Variants in ADGRL3 observed in about 807,000 individuals in gnomAD.
ADGRL3 encodes the protein adhesion G protein-coupled receptor L3, also known as calcium-independent alpha-latrotoxin receptor 3.
In ADGRL3, 62 loss-of-function variants were observed where a neutral mutation model predicts 153.5. That is an observed-to-expected ratio of 0.40 (90% CI 0.33 to 0.50). The LOEUF (loss-of-function observed/expected upper bound fraction) is 0.50. ADGRL3 is among the 20% of genes least tolerant of loss of function. The pLI is 0.47. For missense variants in ADGRL3, 1,641 were observed against 1,859.4 expected (o/e 0.88, Z 2.16); for synonymous variants, 710 against 672.5 (o/e 1.06, Z -0.86).
chr4:61,663,406 C>T (rs1350441313), intron 5 of ADGRL3, among the ~76,000 whole-genome samples: 28 of 152,222 alleles, frequency 1.8e-4, no homozygotes, highest in Non-Finnish European at 8.8e-5. Flanking sequence ...GGTCCAGCCA[C>T]AGCCTCGCTG....
chr4:61,754,823 T>C (rs1328372106), intron 8 of ADGRL3, among the ~76,000 whole-genome samples: 2 of 151,888 alleles, frequency 1.3e-5, no homozygotes, highest in Non-Finnish European at 2.9e-5. Flanking sequence ...CCTGTGTCCA[T>C]GTGTTCTCAT....
At chr4:61,525,187 C>T (rs902455594) in intron 4 of ADGRL3, among the ~76,000 whole-genome samples, 7 of 151,774 alleles carry the variant, frequency 4.6e-5, no homozygotes, top group Admixed American at 2.0e-4. Flanking sequence ...TGGAGATAAA[C>T]GAGAAAGGAG....
intron 1 of ADGRL3, among the ~76,000 whole-genome samples, chr4:61,220,777 C>T (rs370133156): frequency 1.4e-4 from 21 of 152,252 alleles, no homozygotes; most frequent in African/African-American, 5.1e-4. Flanking sequence ...TTATCTCTGA[C>T]TTATTCTGAA....
chr4:61,432,811 G>T (rs913861765), intron 2 of ADGRL3, among the ~76,000 whole-genome samples: 1 of 150,772 alleles, frequency 6.6e-6, no homozygotes, highest in Non-Finnish European at 1.5e-5. Flanking sequence ...GAGCCACCAC[G>T]CCTGGCTAAT....
At chr4:61,932,872 G>T (rs1475355882) in intron 13 of ADGRL3, among the ~76,000 whole-genome samples, 1 of 151,954 alleles carries the variant, frequency 6.6e-6, no homozygotes, top group African/African-American at 2.4e-5. Context: ...GGTCTATTCA[G>T]AATTTCTATT....
At chr4:61,233,495 A>G (rs1751608169) in intron 1 of ADGRL3, among the ~76,000 whole-genome samples, 1 of 152,206 alleles carries the variant, frequency 6.6e-6, no homozygotes, top group Admixed American at 6.5e-5. Flanking sequence ...AGTGGGAGGC[A>G]TAGAAGGCAG....
At chr4:61,913,839 A>G (rs147050700) in intron 13 of ADGRL3, among the ~76,000 whole-genome samples, 1 of 152,322 alleles carries the variant, frequency 6.6e-6, no homozygotes, top group East Asian at 1.9e-4. Context: ...TAGTCAGATT[A>G]TGAAAAGCAC....
At chr4:61,870,369 A>G (rs966482907) in intron 9 of ADGRL3, among the ~76,000 whole-genome samples, 3 of 152,230 alleles carry the variant, frequency 2.0e-5, no homozygotes, top group African/African-American at 4.8e-5. Context: ...TTAAAAATAA[A>G]TAAATCTTCT....
chr4:61,768,093 T>C (rs1223414346), intron 8 of ADGRL3, among the ~76,000 whole-genome samples: 1 of 152,084 alleles, frequency 6.6e-6, no homozygotes, highest in Non-Finnish European at 1.5e-5. Flanking sequence ...GGGCTGGATT[T>C]TTATATTTGA....
At chr4:62,060,758 T>G (rs541873323) in intron 25 of ADGRL3, among the ~76,000 whole-genome samples, 1 of 150,726 alleles carries the variant, frequency 6.6e-6, no homozygotes, top group African/African-American at 2.5e-5. Context: ...GATGAACTCT[T>G]TTTTTTCTCA....
intron 9 of ADGRL3, among the ~76,000 whole-genome samples, chr4:61,879,200 T>C (rs184552735): frequency 1.4e-4 from 22 of 152,326 alleles, no homozygotes; most frequent in Admixed American, 9.1e-4. Flanking sequence ...CTGAATAACA[T>C]ATTGTGTGTC....
At chr4:61,966,886 A>G (rs1254052557) in intron 17 of ADGRL3, among the ~76,000 whole-genome samples, 1 of 152,150 alleles carries the variant, frequency 6.6e-6, no homozygotes, top group Non-Finnish European at 1.5e-5. Flanking sequence ...GGGGCCACCT[A>G]TATTTGGTCA....
intron 1 of ADGRL3, among the ~76,000 whole-genome samples, chr4:61,298,585 A>C (rs17090425): frequency 0.022 from 3,420 of 152,318 alleles, 145 homozygotes; most frequent in African/African-American, 0.079. Flanking sequence ...ATCAGTCATT[A>C]TGTCAGCAGC....
intron 1 of ADGRL3, among the ~76,000 whole-genome samples, chr4:61,257,875 G>A (rs906622804): frequency 7.9e-5 from 12 of 151,726 alleles, no homozygotes; most frequent in South Asian, 6.3e-4. Context: ...GTGCGTGTGC[G>A]CACGCGCACA....
At chr4:61,709,972 A>C (rs1458494492) in intron 6 of ADGRL3, among the ~76,000 whole-genome samples, 5 of 152,220 alleles carry the variant, frequency 3.3e-5, no homozygotes, top group African/African-American at 4.8e-5. Context: ...TTAGAAAAGT[A>C]TTCAAGGAAG....
intron 1 of ADGRL3, among the ~76,000 whole-genome samples, chr4:61,352,196 CA>C: frequency 6.6e-6 from 1 of 152,076 alleles, no homozygotes; most frequent in East Asian, 1.9e-4. Flanking sequence ...GTAGAAATAG[CA>C]AGAGAATTAG....
intron 9 of ADGRL3, among the ~76,000 whole-genome samples, chr4:61,882,018 ATTTGTT>A: frequency 6.6e-6 from 1 of 152,182 alleles, no homozygotes; most frequent in Admixed American, 6.5e-5. Context: ...TTGTTTCTTT[ATTTGTT>A]TTTATGTTTT....
At chr4:62,040,300 T>C (rs1445575703) in intron 24 of ADGRL3, among the ~76,000 whole-genome samples, 1 of 152,060 alleles carries the variant, frequency 6.6e-6, no homozygotes, top group Admixed American at 6.6e-5. Flanking sequence ...TTTTTCTCCT[T>C]ACTCTTGTAA....
In ADGRL3 at chr4:62,025,425, G is replaced by A. The variant is rs191889253; in HGVS notation, c.3396-3430G>A. Among the ~76,000 whole-genome samples the A allele has an allele frequency of 1.1e-4, 16 of 152,144 alleles. No homozygotes were observed. In the East Asian group the frequency reaches 3.1e-3, roughly 29 times the overall value. On this transcript the variant is annotated intron_variant, in intron 21 of 26. Coordinates refer to ENST00000683033, the MANE Select transcript of ADGRL3 (RefSeq NM_001387552.1). ...CTGTGAACACTACAATCCTAAAATG[G>A]TCTTGTTTGTCCCCTTGCATTTATA...
Sources: allele counts gnomAD v4.1 joint callset (sites outside exome capture counted in the v4.1 genomes callset), GRCh38; gene constraint gnomAD v4.1.1; transcripts MANE v1.5; gene names NCBI Gene and HGNC (gene_info 2026-07-23, HGNC 2026-07-21).